The following TECRL variants were observed in gnomAD, a reference collection of about 807,000 sequenced individuals.
TECRL encodes trans-2,3-enoyl-CoA reductase like, also known as trans-2,3-enoyl-CoA reductase-like.
Under a neutral mutation model 52.8 loss-of-function variants are expected in TECRL, and 63 were observed. That is an observed-to-expected ratio of 1.19 (90% confidence interval 0.97 to 1.47). The LOEUF is 1.47. Ranked by LOEUF, TECRL falls within the 40% of genes most tolerant of loss-of-function variation. The pLI is 0.00. For missense variants in TECRL, 482 were observed against 429.6 expected (o/e 1.12, Z -1.08); for synonymous variants, 164 against 141.9 (o/e 1.16, Z -1.10).
chr4:64,330,529 G>C (rs1351714), intron 2 of TECRL, among the ~76,000 whole-genome samples: 93,215 of 151,962 alleles, frequency 0.61, 31,903 homozygotes, highest in Non-Finnish European at 0.76. Flanking sequence ...TCAGCTGAGC[G>C]TGGTGGTTCA....
chr4:64,299,995 T>C lies in TECRL; in HGVS notation c.753A>G (p.Thr251=). The change falls in exon 8 of 12, where the codon ACA becomes ACG. Residue 251 remains threonine, a synonymous_variant. Coordinates refer to ENST00000381210, the MANE Select transcript of TECRL (RefSeq NM_001010874.5). ...TPPSFGNRQI[T]VSAINFLICE... Reference sequence around the variant, plus strand: ...ATACCAGAAAATTGATAGCAGATACTGTGATTTGCCTGTTTCCAAATGCTG... The same window carrying C: ...ATACCAGAAAATTGATAGCAGATACCGTGATTTGCCTGTTTCCAAATGCTG... 6.3e-7 allele frequency: 1 copy of C among 1,582,814 alleles called. No individual in the cohort carries two copies. Among genetic ancestry groups the C allele is most frequent in the Non-Finnish European group, 8.6e-7 (1 of 1,161,780 alleles).
intron 2 of TECRL, among the ~76,000 whole-genome samples, chr4:64,369,877 TGTA>T (rs1721867024): frequency 6.6e-6 from 1 of 151,872 alleles, no homozygotes; most frequent in African/African-American, 2.4e-5. Context: ...GAGTAGGACA[TGTA>T]GTGATGTTAT....
rs757909951 is a variant in TECRL at position 64,281,458 on chromosome 4, T to A, written c.918+16A>T. 2 of 1,468,052 alleles carry A rather than the reference T, an allele frequency of 1.4e-6. No homozygotes were observed. Among genetic ancestry groups the A allele is most frequent in the Admixed American group, 3.7e-5 (2 of 53,974 alleles). The allele number at this position is 1,468,052 out of a possible 1,614,324, so 90.9% of individuals were successfully genotyped here. A position where few individuals can be genotyped will look rare whatever the true frequency, so the allele number is the denominator to read the frequency against. On this transcript the variant is annotated intron_variant, in intron 10 of 11. Coordinates refer to ENST00000381210, the MANE Select transcript of TECRL (RefSeq NM_001010874.5). ...CATGAATAGGATTCAAGCATTTACATACATAAATAACATACCTCATAGGTG... is the reference window on the plus strand; with the variant it reads ...CATGAATAGGATTCAAGCATTTACAAACATAAATAACATACCTCATAGGTG...
chr4:64,380,656 G>A (rs916743541), intron 1 of TECRL, among the ~76,000 whole-genome samples: 1 of 151,954 alleles, frequency 6.6e-6, no homozygotes, highest in South Asian at 2.1e-4. Context: ...TATTAAAGAA[G>A]TTGTCTTTTC....
chr4:64,349,841 T>C (rs1450157897), intron 2 of TECRL, among the ~76,000 whole-genome samples: 1 of 152,128 alleles, frequency 6.6e-6, no homozygotes, highest in Non-Finnish European at 1.5e-5. Flanking sequence ...TCAAAAATAA[T>C]AATGGAATTT....
chr4:64,314,097 C>T (rs1439473046), intron 5 of TECRL, among the ~76,000 whole-genome samples: 1 of 151,218 alleles, frequency 6.6e-6, no homozygotes, highest in Non-Finnish European at 1.5e-5. Flanking sequence ...GTGCAGTGAG[C>T]CGAGATCAGG....
intron 4 of TECRL, among the ~76,000 whole-genome samples, chr4:64,316,286 A>G (rs1027964518): frequency 2.0e-5 from 3 of 152,126 alleles, no homozygotes; most frequent in African/African-American, 7.2e-5. Context: ...AAATTAAACT[A>G]TAATCTTATC....
chr4:64,339,338 C>G lies in TECRL; in HGVS notation c.287-10782G>C, dbSNP rs144791356. 8.5e-3 allele frequency among the ~76,000 whole-genome samples: 1,278 copies of G among 150,750 alleles called. 17 individuals are homozygous for G. Among genetic ancestry groups the G allele is most frequent in the African/African-American group, 0.03 (1,217 of 40,956 alleles). On this transcript the variant is annotated intron_variant, in intron 2 of 11. Coordinates refer to ENST00000381210, the MANE Select transcript of TECRL (RefSeq NM_001010874.5). The stretch of plus-strand genomic sequence containing the variant: ...TAGGAGATATACCTAATGTGAATGA[C>G]GTAAATGATGAGTTAATTGGTGCAG...
intron 5 of TECRL, among the ~76,000 whole-genome samples, chr4:64,313,859 C>T (rs1295650338): frequency 6.7e-6 from 1 of 148,586 alleles, no homozygotes; most frequent in Non-Finnish European, 1.5e-5. Context: ...TGTGGCCGGG[C>T]GTGGTGGCTC....
At chr4:64,369,456 G>C (rs978400231) in intron 2 of TECRL, among the ~76,000 whole-genome samples, 1 of 151,928 alleles carries the variant, frequency 6.6e-6, no homozygotes, top group Non-Finnish European at 1.5e-5. Context: ...TTTCTAAAAT[G>C]AACTTTGTAG....
chr4:64,349,930 T>A, intron 2 of TECRL, among the ~76,000 whole-genome samples: 1 of 152,294 alleles, frequency 6.6e-6, no homozygotes, highest in East Asian at 1.9e-4. Flanking sequence ...AATTCTCAAT[T>A]ATATTTTTTC....
At position 64,305,256 on chromosome 4, in the gene TECRL, CAAAAT is replaced by C; in HGVS notation, c.658-23_658-19del. The C allele has an allele frequency of 6.2e-7, 1 of 1,607,160 alleles. No individual in the cohort carries two copies. Among genetic ancestry groups the C allele is most frequent in the South Asian group, 1.1e-5 (1 of 90,624 alleles). On this transcript the variant is annotated intron_variant, in intron 6 of 11. Transcript: ENST00000381210. ...GCACAACTCTGCAAACAAAACAAAA[CAAAAT>C]AAAAGTTAGGAAAAATATGTAATAT...
intron 3 of TECRL, among the ~76,000 whole-genome samples, chr4:64,327,637 A>G (rs1427073336): frequency 1.3e-5 from 2 of 152,034 alleles, no homozygotes; most frequent in Non-Finnish European, 2.9e-5. Flanking sequence ...GCTCCTAGAA[A>G]TCTTGCATAT....
chr4:64,370,804 T>A (rs1191976439), intron 2 of TECRL, among the ~76,000 whole-genome samples: 1 of 151,856 alleles, frequency 6.6e-6, no homozygotes, highest in Non-Finnish European at 1.5e-5. Flanking sequence ...TTATGATGAA[T>A]TATCCAGAAA....
intron 6 of TECRL, among the ~76,000 whole-genome samples, chr4:64,307,649 A>T (rs755868055): frequency 4.1e-4 from 63 of 152,132 alleles, no homozygotes; most frequent in Non-Finnish European, 8.2e-4. Flanking sequence ...GACTCCTTTT[A>T]CCCTCAGACC....
chr4:64,353,108 C>T (rs1720513912), intron 2 of TECRL, among the ~76,000 whole-genome samples: 1 of 152,134 alleles, frequency 6.6e-6, no homozygotes, highest in African/African-American at 2.4e-5. Context: ...ATGGTAAATA[C>T]AGGTAAATAG....
At chr4:64,319,086 A>G (rs1717707264) in intron 4 of TECRL, among the ~76,000 whole-genome samples, 1 of 152,006 alleles carries the variant, frequency 6.6e-6, no homozygotes, top group South Asian at 2.1e-4. Flanking sequence ...GTATATTAGC[A>G]TTTAATATCT....
chr4:64,333,411 G>C (rs1718792802), intron 2 of TECRL, among the ~76,000 whole-genome samples: 1 of 152,072 alleles, frequency 6.6e-6, no homozygotes, highest in East Asian at 1.9e-4. Context: ...TTGAGAAAAA[G>C]AAGTTGATTT....
intron 2 of TECRL, among the ~76,000 whole-genome samples, chr4:64,336,858 CTGTGGTCTGAGAGACAGTTTGTTAT>C (rs1409954547): frequency 6.6e-6 from 1 of 152,152 alleles, no homozygotes; most frequent in African/African-American, 2.4e-5. Context: ...TTTGATTGCA[CTGTGGTCTGAGAGACAGTTTGTTAT>C]AATTTCTGTT....
Sources: allele counts gnomAD v4.1 joint callset (sites outside exome capture counted in the v4.1 genomes callset), GRCh38; gene constraint gnomAD v4.1.1; transcripts MANE v1.5; gene names NCBI Gene and HGNC (gene_info 2026-07-23, HGNC 2026-07-21).